OLFM1: variants seen among roughly 807,000 people sequenced by gnomAD.
The protein encoded by OLFM1 is noelin.
A neutral mutation model predicts 49.7 loss-of-function variants in OLFM1; 9 were observed. The ratio of observed to expected loss-of-function variants is 0.18; its 90% CI spans 0.11 to 0.32. OLFM1 has a LOEUF of 0.32. OLFM1 is among the 10% of genes least tolerant of loss of function. OLFM1 has a pLI of 1.00. For synonymous variants in OLFM1, 240 were observed against 271.8 expected (o/e 0.88, Z 1.15); for missense variants, 369 against 661.8 (o/e 0.56, Z 4.85).
At chr9:135,116,781 C>G (rs1831101800) in intron 5 of OLFM1, among the ~76,000 whole-genome samples, 1 of 151,908 alleles carries the variant, frequency 6.6e-6, no homozygotes, top group Non-Finnish European at 1.5e-5. Flanking sequence ...TGGCCCCGTT[C>G]CCTCCAATAC....
chr9:135,087,399 G>C, upstream of OLFM1: 1 of 1,546,360 alleles, frequency 6.5e-7, no homozygotes, highest in Non-Finnish European at 8.7e-7. Flanking sequence ...GGACGGGAGG[G>C]CCGCGGGCCG....
chr9:135,076,249 A>G, intron 1 of OLFM1: 1 of 1,550,518 alleles, frequency 6.4e-7, no homozygotes. Flanking sequence ...TTTGGGCATA[A>G]CGCTGCCCTT....
intron 1 of OLFM1, chr9:135,075,905 G>A: frequency 8.0e-7 from 1 of 1,256,814 alleles, no homozygotes; most frequent in South Asian, 1.5e-5. Flanking sequence ...GCCGCCCCGC[G>A]CCCCCGGCCT....
chr9:135,098,249 A>G lies in OLFM1; in HGVS notation c.457-37A>G. The G allele has an allele frequency of 1.9e-6, 3 of 1,604,250 alleles. No individual in the cohort carries two copies. Among genetic ancestry groups the G allele is most frequent in the Non-Finnish European group, 2.6e-6 (3 of 1,172,350 alleles). Reference sequence around the variant, plus strand: ...CAAGGCAGGGTGTGAGAGTTCTTGCATGCATCGCACTGAACCAGCTTATTT... The same window carrying G: ...CAAGGCAGGGTGTGAGAGTTCTTGCGTGCATCGCACTGAACCAGCTTATTT... On this transcript the variant is annotated intron_variant, in intron 3 of 5. Coordinates refer to ENST00000371793, the MANE Select transcript of OLFM1 (RefSeq NM_001282611.2). The surrounding 1 kb of genome is among the most constrained non-coding windows in gnomAD (Gnocchi z 5.6).
At chr9:135,118,831 C>G (rs1398992076) in intron 5 of OLFM1, among the ~76,000 whole-genome samples, 3 of 109,542 alleles carry the variant, frequency 2.7e-5, no homozygotes, top group Non-Finnish European at 5.6e-5. Context: ...GGAGTGCTCG[C>G]CGGGTCTTTG....
intron 4 of OLFM1, among the ~76,000 whole-genome samples, chr9:135,101,254 C>T (rs1387635375): frequency 2.0e-5 from 3 of 151,990 alleles, no homozygotes; most frequent in Admixed American, 6.6e-5. Context: ...TCCCCTGTCC[C>T]GGACCCCGCA....
chr9:135,076,153 CG>C (rs1830463148), intron 1 of OLFM1: 2 of 1,549,828 alleles, frequency 1.3e-6, no homozygotes, highest in African/African-American at 1.4e-5. Context: ...GAGTGAGAGC[CG>C]GATAGCCAAG....
At chr9:135,077,400 C>A in intron 1 of OLFM1, 1 of 807,666 alleles carries the variant, frequency 1.2e-6, no homozygotes, top group Non-Finnish European at 1.7e-6. Flanking sequence ...AAGTTCTCCT[C>A]TTTGTGTCTT....
upstream of OLFM1, chr9:135,087,356 G>T: frequency 6.5e-7 from 1 of 1,545,130 alleles, no homozygotes. Flanking sequence ...GATCGGAGAG[G>T]GATGCCCCGG....
At chr9:135,085,020 C>G (rs565135913), upstream of OLFM1, among the ~76,000 whole-genome samples, 1 of 152,214 alleles carries the variant, frequency 6.6e-6, no homozygotes, top group South Asian at 2.1e-4. Flanking sequence ...CTCACACTTG[C>G]GTCTTCTGAG....
chr9:135,095,998 A>G lies in OLFM1; in HGVS notation c.435A>G (p.Gln145=). 6.8e-7 allele frequency: 1 copy of G among 1,467,242 alleles called. No homozygotes were observed. The highest frequency in any genetic ancestry group is 9.1e-7 in the Non-Finnish European group (1 of 1,097,358). 90.9% of individuals were successfully genotyped at this position (1,467,242 alleles called of 1,614,324 possible). A position where few individuals can be genotyped will look rare whatever the true frequency, so the allele number is the denominator to read the frequency against. Residue 145 remains glutamine (Q), a synonymous_variant, in exon 3 of 6, where the codon CAA becomes CAG. Coordinates refer to ENST00000371793, the MANE Select transcript of OLFM1 (RefSeq NM_001282611.2). ...KFKQVEESHK[Q]HLARQFKAIK... Reference sequence around the variant, plus strand: ...AACAGGTGGAGGAGAGTCATAAGCAACACCTGGCCAGGCAGTTTAAGGTAT... The same window carrying G: ...AACAGGTGGAGGAGAGTCATAAGCAGCACCTGGCCAGGCAGTTTAAGGTAT...
chr9:135,110,904 T>C (rs1831012973), intron 5 of OLFM1, among the ~76,000 whole-genome samples: 1 of 152,118 alleles, frequency 6.6e-6, no homozygotes, highest in South Asian at 2.1e-4. Context: ...CGGGCCCAAG[T>C]CCCTACGCCA....
Position 135,088,897 on chromosome 9 carries a change from G to A in OLFM1, c.150+758G>A, listed in dbSNP as rs966359236. Among the ~76,000 whole-genome samples, 1 of 152,190 alleles carries A rather than the reference G, an allele frequency of 6.6e-6. No homozygotes were observed. The highest frequency in any genetic ancestry group is 1.5e-5 in the Non-Finnish European group (1 of 68,036). Reference sequence around the variant, plus strand: ...TCTCGAGCCTAGCGGGAGGGGAACCGTGGCCGGGGCTGCTTCTGGGCAGAG... The same window carrying A: ...TCTCGAGCCTAGCGGGAGGGGAACCATGGCCGGGGCTGCTTCTGGGCAGAG... On this transcript the variant is annotated intron_variant, in intron 1 of 5. Coordinates refer to ENST00000371793, the MANE Select transcript of OLFM1 (RefSeq NM_001282611.2). This position sits in a 1 kb window ranked among gnomAD's most constrained non-coding sequence, Gnocchi z 4.8.
upstream of OLFM1, among the ~76,000 whole-genome samples, chr9:135,085,876 G>A (rs1830589757): frequency 1.3e-5 from 2 of 152,068 alleles, no homozygotes; most frequent in South Asian, 4.1e-4. Context: ...TTTGGAGCAG[G>A]TGCAGGTTGG....
chr9:135,118,321 T>C (rs1831124708), intron 5 of OLFM1, among the ~76,000 whole-genome samples: 1 of 149,788 alleles, frequency 6.7e-6, no homozygotes, highest in African/African-American at 2.5e-5. Context: ...TCTTTGGAAG[T>C]GCTCACTGGG....
rs373779036 is a variant in OLFM1, at chr9:135,119,484, C to G, written c.784-20C>G. 31 of 1,567,488 alleles carry G rather than the reference C, an allele frequency of 2.0e-5. No homozygotes were observed. The African/African-American group carries it at 3.8e-4, about 19-fold the overall frequency. On this transcript the variant is annotated intron_variant, in intron 5 of 5. Coordinates refer to ENST00000371793, the MANE Select transcript of OLFM1 (RefSeq NM_001282611.2). ...CTGGGTCTTTGGAAGTGCTCACCACCGGGTCTGCTCTCTCCACAGGTGTGG... is the reference window on the plus strand; with the variant it reads ...CTGGGTCTTTGGAAGTGCTCACCACGGGGTCTGCTCTCTCCACAGGTGTGG...
upstream of OLFM1, among the ~76,000 whole-genome samples, chr9:135,084,336 C>T (rs548139403): frequency 2.7e-5 from 4 of 148,878 alleles, no homozygotes; most frequent in East Asian, 7.8e-4. The surrounding 1 kb of genome is among the most constrained non-coding windows in gnomAD (Gnocchi z 4.6). Flanking sequence ...CTCTCTGTCT[C>T]TCATCTCTCT....
In OLFM1 at chr9:135,080,337, C is replaced by T. The variant is rs1322490278; in HGVS notation, c.96+4535C>T. ...TGTTTGTAGAAGGGGATGGAGTGCA[C>T]GGGTAGGGGGAAGAGTTCAGGTGAA... On this transcript the variant is annotated intron_variant, in intron 1 of 5. Coordinates refer to the OLFM1 transcript ENST00000252854. This position sits in a 1 kb window ranked among gnomAD's most constrained non-coding sequence, Gnocchi z 4.5. 3.3e-5 allele frequency among the ~76,000 whole-genome samples: 5 copies of T among 151,964 alleles called. No homozygotes were observed. Among genetic ancestry groups the T allele is most frequent in the African/African-American group, 9.7e-5 (4 of 41,390 alleles).
chr9:135,076,720 G>C (rs913674244), intron 1 of OLFM1: 2 of 1,444,512 alleles, frequency 1.4e-6, no homozygotes, highest in Non-Finnish European at 1.8e-6. Flanking sequence ...GGAGTTGCAA[G>C]TCCAGGAAGT....
Sources: allele counts gnomAD v4.1 joint callset (sites outside exome capture counted in the v4.1 genomes callset), GRCh38; gene constraint gnomAD v4.1.1; non-coding constraint Gnocchi (gnomAD v3.1); transcripts MANE v1.5; gene names NCBI Gene and HGNC (gene_info 2026-07-23, HGNC 2026-07-21).